SYT9: variants seen among roughly 807,000 people sequenced by gnomAD.
The protein encoded by SYT9 is synaptotagmin-9.
A neutral mutation model predicts 48.4 loss-of-function variants in SYT9; 22 were observed. That is an observed-to-expected ratio of 0.45 (90% CI 0.32 to 0.65). SYT9 has a LOEUF of 0.65. Ranked by LOEUF, SYT9 falls within the 30% of genes least tolerant of loss-of-function variation. The probability of loss-of-function intolerance (pLI) is 0.03; values close to 1 mark genes in which losing one functional copy is unlikely to be tolerated. For missense variants in SYT9, 577 were observed against 622.0 expected (o/e 0.93, Z 0.77); for synonymous variants, 265 against 245.0 (o/e 1.08, Z -0.76).
chr11:7,366,714 T>A (rs1326364201), intron 3 of SYT9, among the ~76,000 whole-genome samples: 1 of 152,086 alleles, frequency 6.6e-6, no homozygotes, highest in Admixed American at 6.6e-5. Flanking sequence ...ATATATATAT[T>A]TTTTACATTG....
At chr11:7,298,414 C>T (rs1357828994) in intron 1 of SYT9, among the ~76,000 whole-genome samples, 1 of 152,176 alleles carries the variant, frequency 6.6e-6, no homozygotes, top group East Asian at 1.9e-4. Flanking sequence ...TAATTTGCCT[C>T]TTGCATTACT....
chr11:7,420,041 G>A (rs11041371), intron 5 of SYT9, among the ~76,000 whole-genome samples: 77,637 of 152,114 alleles, frequency 0.51, 21,382 homozygotes, highest in Middle Eastern at 0.62. Context: ...AGAGGAAGCA[G>A]GAAGATCCAT....
intron 3 of SYT9, among the ~76,000 whole-genome samples, chr11:7,341,771 A>G (rs753206567): frequency 6.6e-6 from 1 of 152,040 alleles, no homozygotes; most frequent in African/African-American, 2.4e-5. Flanking sequence ...TATGACTCAC[A>G]TCTCAGTCAT....
At chr11:7,446,157 A>G (rs1251678987) in intron 6 of SYT9, among the ~76,000 whole-genome samples, 1 of 152,238 alleles carries the variant, frequency 6.6e-6, no homozygotes, top group Non-Finnish European at 1.5e-5. Flanking sequence ...CACCGAGCCA[A>G]GGGCTGCAAA....
chr11:7,245,178 A>G (rs1564834279), intron 1 of SYT9, among the ~76,000 whole-genome samples: 1 of 152,240 alleles, frequency 6.6e-6, no homozygotes, highest in Non-Finnish European at 1.5e-5. Context: ...AAGCTGGAGA[A>G]GTTCCATGGA....
chr11:7,410,887 T>C (rs1477442706), intron 3 of SYT9, among the ~76,000 whole-genome samples: 1 of 152,206 alleles, frequency 6.6e-6, no homozygotes, highest in Non-Finnish European at 1.5e-5. Flanking sequence ...AGAGTTTTGC[T>C]CTTGTCACCC....
chr11:7,296,979 A>G (rs1029572934), intron 1 of SYT9, among the ~76,000 whole-genome samples: 1 of 152,014 alleles, frequency 6.6e-6, no homozygotes. Flanking sequence ...TAAATTTCCC[A>G]GTATTATATT....
intron 3 of SYT9, among the ~76,000 whole-genome samples, chr11:7,365,737 A>T (rs568262199): frequency 1.2e-4 from 19 of 152,194 alleles, no homozygotes; most frequent in South Asian, 6.2e-4. Flanking sequence ...ACCTGTTTTA[A>T]TTTTGCTTTT....
At chr11:7,407,813 C>T (rs1199854151) in intron 3 of SYT9, among the ~76,000 whole-genome samples, 1 of 152,154 alleles carries the variant, frequency 6.6e-6, no homozygotes, top group Middle Eastern at 3.2e-3. Flanking sequence ...TCCTTGGTGC[C>T]TTCATCAAAA....
intron 3 of SYT9, among the ~76,000 whole-genome samples, chr11:7,329,856 T>C (rs1280535652): frequency 2.0e-5 from 3 of 152,066 alleles, no homozygotes; most frequent in Non-Finnish European, 4.4e-5. Flanking sequence ...TCACACTGGG[T>C]CCACAAAAGG....
chr11:7,382,202 G>C (rs1213631053), intron 3 of SYT9, among the ~76,000 whole-genome samples: 1 of 152,188 alleles, frequency 6.6e-6, no homozygotes, highest in Non-Finnish European at 1.5e-5. Context: ...CTGCCCAATG[G>C]TCTCACTTCT....
At chr11:7,379,714 A>G (rs1268699364) in intron 3 of SYT9, among the ~76,000 whole-genome samples, 1 of 152,108 alleles carries the variant, frequency 6.6e-6, no homozygotes, top group Non-Finnish European at 1.5e-5. Flanking sequence ...ACCCTCTCTC[A>G]TGGTGGTTAC....
At chr11:7,245,007 G>A (rs1186873441) in intron 1 of SYT9, among the ~76,000 whole-genome samples, 1 of 152,196 alleles carries the variant, frequency 6.6e-6, no homozygotes, top group Non-Finnish European at 1.5e-5. Flanking sequence ...ACACGTAGAA[G>A]ACAGATAAGA....
In SYT9 at chr11:7,420,530, C is replaced by T. The variant is rs770670655; in HGVS notation, c.1362C>T (p.Gly454=). The T allele has an allele frequency of 3.7e-6, 6 of 1,613,994 alleles. No individual in the cohort carries two copies. Among genetic ancestry groups the T allele is most frequent in the East Asian group, 4.5e-5 (2 of 44,890 alleles). The change falls in exon 6 of 7, where the codon GGC becomes GGT. Residue 454 remains glycine, a synonymous_variant. Transcript: ENST00000318881. ...YDRVGHNEII[G]VCQVGNEAER... is the part of the protein sequence containing the mutation. ...GTGTAGGTCACAATGAGATCATCGG[C>T]GTGTGTCAAGTAGGCAACGAGGCTG...
chr11:7,265,704 C>G (rs1347677920), intron 1 of SYT9, among the ~76,000 whole-genome samples: 1 of 147,448 alleles, frequency 6.8e-6, no homozygotes, highest in Non-Finnish European at 1.5e-5. Flanking sequence ...TGAATTATCT[C>G]AAATTATTTG....
intron 1 of SYT9, among the ~76,000 whole-genome samples, chr11:7,253,517 G>A (rs529033632): frequency 3.2e-4 from 48 of 152,252 alleles, no homozygotes; most frequent in African/African-American, 1.0e-3. Flanking sequence ...CAAGATGGTC[G>A]TGTGGGGTGA....
chr11:7,394,480 A>C (rs1323042242), intron 3 of SYT9, among the ~76,000 whole-genome samples: 1 of 152,176 alleles, frequency 6.6e-6, no homozygotes, highest in Non-Finnish European at 1.5e-5. Context: ...TATACCCAGT[A>C]ATGGGATGGC....
intron 3 of SYT9, among the ~76,000 whole-genome samples, chr11:7,316,197 C>A (rs919296924): frequency 1.3e-5 from 2 of 151,476 alleles, no homozygotes; most frequent in Non-Finnish European, 1.5e-5. Flanking sequence ...AATGAACAGG[C>A]CTGAACCCAC....
chr11:7,406,453 C>T (rs1020841730), intron 3 of SYT9, among the ~76,000 whole-genome samples: 16 of 151,132 alleles, frequency 1.1e-4, no homozygotes, highest in South Asian at 4.2e-4. Context: ...TTTCACTTAA[C>T]GTAATGACCT....
Sources: allele counts gnomAD v4.1 joint callset (sites outside exome capture counted in the v4.1 genomes callset), GRCh38; gene constraint gnomAD v4.1.1; transcripts MANE v1.5; gene names NCBI Gene and HGNC (gene_info 2026-07-23, HGNC 2026-07-21).